DYRK1A: variants seen among roughly 807,000 people sequenced by gnomAD.
DYRK1A encodes the protein dual specificity tyrosine phosphorylation regulated kinase 1A.
A neutral mutation model predicts 79.7 loss-of-function variants in DYRK1A; 9 were observed. That is an observed-to-expected ratio of 0.11 (90% CI 0.07 to 0.20). The LOEUF is 0.20. Ranked by LOEUF, DYRK1A falls within the 10% of genes least tolerant of loss-of-function variation. The pLI, the probability that DYRK1A is intolerant of heterozygous loss-of-function variation, is 1.00. For missense variants in DYRK1A, 622 were observed against 956.0 expected, an observed-to-expected ratio of 0.65 and a Z score of 4.61; for synonymous variants, 349 against 329.7, an observed-to-expected ratio of 1.06 and a Z score of -0.63.
At chr21:37,437,671 G>A (rs887135864) in intron 2 of DYRK1A, among the ~76,000 whole-genome samples, 1 of 152,088 alleles carries the variant, frequency 6.6e-6, no homozygotes. Flanking sequence ...CATATGTGTT[G>A]TGATACCTAT....
At chr21:37,468,592 G>C (rs1426761814) in intron 2 of DYRK1A, among the ~76,000 whole-genome samples, 1 of 152,170 alleles carries the variant, frequency 6.6e-6, no homozygotes, top group African/African-American at 2.4e-5. Context: ...TTATGATAAG[G>C]ATGGGGTTAC....
In DYRK1A at chr21:37,512,870, A is replaced by G. The variant is rs2053795648; in HGVS notation, c.*339A>G. The G allele has an allele frequency of 4.3e-6, 1 of 234,426 alleles. No individual in the cohort carries two copies. The highest frequency in any genetic ancestry group is 5.0e-5 in the Admixed American group (1 of 20,172). The allele number at this position is 234,426 out of a possible 1,614,324, so 14.5% of individuals were successfully genotyped here. On this transcript the variant is annotated 3_prime_UTR_variant, in exon 12 of 12. Coordinates refer to ENST00000647188, the MANE Select transcript of DYRK1A (RefSeq NM_001347721.2). ...TGTTGGTCTTGGTCATTTGCCAACT[A>G]ATTTTAAAGTAAAAGGCACTGCACA...
At position 37,516,007 on chromosome 21, in the gene DYRK1A, G is replaced by A. The variant is rs982523418; in HGVS notation, c.*3476G>A. 4 of 152,238 alleles carry A rather than the reference G, an allele frequency of 2.6e-5. No homozygotes were observed. The highest frequency in any genetic ancestry group is 7.2e-5 in the African/African-American group (3 of 41,544). The allele number at this position is 152,238 out of a possible 1,614,324, so 9.4% of individuals were successfully genotyped here. On this transcript the variant is annotated 3_prime_UTR_variant, in exon 12 of 12. Transcript: ENST00000647188. ...GGAGATACATAATCAAAATACACAC[G>A]AAGACGAGATAGCAGGCACTCAGTT...
At chr21:37,468,332 C>T (rs985938907) in intron 2 of DYRK1A, among the ~76,000 whole-genome samples, 2 of 151,936 alleles carry the variant, frequency 1.3e-5, no homozygotes, top group Non-Finnish European at 2.9e-5. Context: ...TGGTCTCAGA[C>T]TCTCGGGCTC....
chr21:37,408,566 A>G (rs71332578), intron 1 of DYRK1A, among the ~76,000 whole-genome samples: 6,514 of 152,308 alleles, frequency 0.043, 188 homozygotes, highest in Middle Eastern at 0.092. Context: ...TTATAATTAT[A>G]TAAATTTTTT....
At chr21:37,467,954 T>G (rs2052087795) in intron 2 of DYRK1A, among the ~76,000 whole-genome samples, 1 of 152,178 alleles carries the variant, frequency 6.6e-6, no homozygotes, top group Admixed American at 6.5e-5. Context: ...ATTTGCTACA[T>G]TACTGATACA....
intron 1 of DYRK1A, among the ~76,000 whole-genome samples, chr21:37,394,540 A>G (rs774299173): frequency 1.3e-5 from 2 of 152,110 alleles, no homozygotes; most frequent in Non-Finnish European, 2.9e-5. Flanking sequence ...ACTGCACCCC[A>G]TGAGGTGAGC....
intron 8 of DYRK1A, 35 bp downstream of exon 8, chr21:37,493,198 A>G (rs1569381175): frequency 1.3e-6 from 2 of 1,559,308 alleles, no homozygotes; most frequent in Admixed American, 3.5e-5. Flanking sequence ...TTCTGTTTTC[A>G]TAATTTCTTT....
At chr21:37,450,816 C>G (rs1000649955) in intron 2 of DYRK1A, among the ~76,000 whole-genome samples, 7 of 152,360 alleles carry the variant, frequency 4.6e-5, no homozygotes, top group Admixed American at 3.3e-4. Context: ...GTACTTCCCT[C>G]CAAAGCACTA....
intron 1 of DYRK1A, chr21:37,419,013 A>C (rs2050412266): frequency 6.6e-6 from 1 of 152,232 alleles, no homozygotes; most frequent in Non-Finnish European, 1.5e-5. Context: ...GTTCAAAAGT[A>C]TAAGGAGAAA....
At chr21:37,387,188 G>C (rs550077978) in intron 1 of DYRK1A, among the ~76,000 whole-genome samples, 18 of 152,278 alleles carry the variant, frequency 1.2e-4, no homozygotes, top group African/African-American at 4.1e-4. Flanking sequence ...TTTTGTATTT[G>C]CCTTAAGATT....
intron 5 of DYRK1A, 105 bp from the exon 6 acceptor site, chr21:37,486,362 A>G: frequency 1.1e-6 from 1 of 906,514 alleles, no homozygotes; most frequent in South Asian, 3.0e-5. Flanking sequence ...AATTATAAAA[A>G]CATATAATTG....
At position 37,479,610 on chromosome 21, in the gene DYRK1A, TTGTTTTTTG is replaced by T. The variant is rs1335724386; in HGVS notation, c.301-1026_301-1018del. On this transcript the variant is annotated intron_variant, in intron 4 of 11. Coordinates refer to ENST00000647188, the MANE Select transcript of DYRK1A (RefSeq NM_001347721.2). The stretch of plus-strand genomic sequence containing the variant: ...TGGTGTTTTGTTTTTGTTTTTGTTT[TTGTTTTTTG>T]TTTTTTTTTTTTTTTTTGGAGACAG... Among the ~76,000 whole-genome samples the T allele has an allele frequency of 9.3e-3, 633 of 68,202 alleles. 30 individuals are homozygous for T. Among genetic ancestry groups the T allele is most frequent in the African/African-American group, 0.052 (524 of 10,006 alleles). 44.7% of individuals were successfully genotyped at this position (68,202 alleles called of 152,430 possible).
chr21:37,442,776 A>G (rs2051147768), intron 2 of DYRK1A, among the ~76,000 whole-genome samples: 1 of 152,038 alleles, frequency 6.6e-6, no homozygotes, highest in Non-Finnish European at 1.5e-5. Flanking sequence ...GGTGTCTTAA[A>G]AATATTTTCC....
chr21:37,390,285 T>C (rs967230200), intron 1 of DYRK1A, among the ~76,000 whole-genome samples: 59 of 152,158 alleles, frequency 3.9e-4, no homozygotes, highest in African/African-American at 1.4e-3. Context: ...TTCTTGACAA[T>C]AACTGAGAAA....
At position 37,512,668 on chromosome 21, in the gene DYRK1A, T is replaced by G. The variant is rs964601603; in HGVS notation, c.*137T>G. Reference sequence around the variant, plus strand: ...GCTACAAGAGGGCAAAGCTGATTTTTTTTTTAACTTGAAAAGATTGCAAAG... The same window carrying G: ...GCTACAAGAGGGCAAAGCTGATTTTGTTTTTAACTTGAAAAGATTGCAAAG... On this transcript the variant is annotated 3_prime_UTR_variant, in exon 12 of 12. Coordinates refer to ENST00000647188, the MANE Select transcript of DYRK1A (RefSeq NM_001347721.2). 1.7e-5 allele frequency: 18 copies of G among 1,034,038 alleles called. No individual in the cohort carries two copies. The East Asian group carries it at 4.3e-4, about 24-fold the overall frequency. 64.1% of individuals were successfully genotyped at this position (1,034,038 alleles called of 1,614,324 possible).
intron 2 of DYRK1A, among the ~76,000 whole-genome samples, chr21:37,433,313 T>G (rs936424839): frequency 6.6e-6 from 1 of 152,100 alleles, no homozygotes; most frequent in African/African-American, 2.4e-5. Flanking sequence ...TTTTAATATT[T>G]GTCCCTTTCA....
Position 37,472,458 on chromosome 21 carries a change from T to A in DYRK1A, c.11-226T>A, listed in dbSNP as rs17229402. Among the ~76,000 whole-genome samples the A allele has an allele frequency of 0.1, 15,896 of 152,294 alleles. 1,116 individuals carry two copies. The highest frequency in any genetic ancestry group is 0.15 in the Non-Finnish European group (10,506 of 68,020). The stretch of plus-strand genomic sequence containing the variant: ...GCTGTTGCTTTACAAAAAGATTTTC[T>A]GAAGATTTTCTCAATACAAGTTTAT... On this transcript the variant is annotated intron_variant, in intron 2 of 11. Transcript: ENST00000647188.
chr21:37,515,509 C>A lies in DYRK1A; in HGVS notation c.*2978C>A, dbSNP rs913833170. On this transcript the variant is annotated 3_prime_UTR_variant, in exon 12 of 12. Coordinates refer to ENST00000647188, the MANE Select transcript of DYRK1A (RefSeq NM_001347721.2). ...GATGGTTTTCTCTGATATGCTTTGACGTGCTTGGATGAAGGAAGGAATACG... is the reference window on the plus strand; with the variant it reads ...GATGGTTTTCTCTGATATGCTTTGAAGTGCTTGGATGAAGGAAGGAATACG... The A allele has an allele frequency of 6.6e-6, 1 of 152,106 alleles. No individual in the cohort carries two copies. The highest frequency in any genetic ancestry group is 1.5e-5 in the Non-Finnish European group (1 of 68,024). The allele number at this position is 152,106 out of a possible 1,614,324, so 9.4% of individuals were successfully genotyped here.
Sources: allele counts gnomAD v4.1 joint callset (sites outside exome capture counted in the v4.1 genomes callset), GRCh38; gene constraint gnomAD v4.1.1; transcripts MANE v1.5; gene names NCBI Gene and HGNC (gene_info 2026-07-23, HGNC 2026-07-21).